TSEN54: variants seen among roughly 807,000 people sequenced by gnomAD.
TSEN54 encodes the protein tRNA splicing endonuclease subunit 54.
A neutral mutation model predicts 61.9 loss-of-function variants in TSEN54; 55 were observed. The observed-to-expected ratio is 0.89, with a 90% CI of 0.72 to 1.11. TSEN54 has a LOEUF of 1.11. Among genes scored for constraint, TSEN54 ranks in the 50% most tolerant of loss-of-function variants. The pLI is 0.00. For missense variants in TSEN54, 760 were observed against 687.7 expected (o/e 1.11, Z -1.18); for synonymous variants, 304 against 288.7 (o/e 1.05, Z -0.54).
intron 4 of TSEN54, 129 bp downstream of exon 4, chr17:75,517,373 G>A (rs2053383537): frequency 1.6e-6 from 2 of 1,260,116 alleles, no homozygotes; most frequent in Admixed American, 3.8e-5. Flanking sequence ...AGCAGGAGGT[G>A]GTACGTTGCA....
At position 75,516,738 on chromosome 17, in the gene TSEN54, TC is replaced by T. The variant is rs1454749382; in HGVS notation, c.57-3del. 6.5e-7 allele frequency: 1 copy of T among 1,546,916 alleles called. No individual in the cohort carries two copies. The highest frequency in any genetic ancestry group is 1.8e-5 in the Admixed American group (1 of 55,790). ...GCGGCGCTGACCCCGCGTCCCCTTC[TC>T]CCCCAGCGCCCGGGAGCTCTTCGCC... On this transcript the variant is annotated splice_region_variant and splice_polypyrimidine_tract_variant and intron_variant, in intron 1 of 10. Coordinates refer to ENST00000333213, the MANE Select transcript of TSEN54 (RefSeq NM_207346.3).
Position 75,524,613 on chromosome 17 carries a change from G to A in TSEN54, c.*201G>A, listed in dbSNP as rs1251431667. ...CCTGCTGCCTTGCAGTGACCCCTCTGGAACTCAGGACTCGATTTTAAGGAC... is the reference window on the plus strand; with the variant it reads ...CCTGCTGCCTTGCAGTGACCCCTCTAGAACTCAGGACTCGATTTTAAGGAC... On this transcript the variant is annotated 3_prime_UTR_variant, in exon 11 of 11. Coordinates refer to ENST00000333213, the MANE Select transcript of TSEN54 (RefSeq NM_207346.3). 1 of 716,224 alleles carries A rather than the reference G, an allele frequency of 1.4e-6. No homozygotes were observed. Among genetic ancestry groups the A allele is most frequent in the Non-Finnish European group, 2.5e-6 (1 of 405,038 alleles). The allele number at this position is 716,224 out of a possible 1,614,324, so 44.4% of individuals were successfully genotyped here. A position where few individuals can be genotyped will look rare whatever the true frequency, so the allele number is the denominator to read the frequency against.
Position 75,516,924 on chromosome 17 carries a change from G to A in TSEN54, c.221+14G>A. The A allele has an allele frequency of 6.5e-7, 1 of 1,544,080 alleles. No homozygotes were observed. Among genetic ancestry groups the A allele is most frequent in the Admixed American group, 1.9e-5 (1 of 51,602 alleles). On this transcript the variant is annotated intron_variant, in intron 2 of 10. Coordinates refer to ENST00000333213, the MANE Select transcript of TSEN54 (RefSeq NM_207346.3). ...CGTGGAGCGCCTGTGAGAGGGGCGG[G>A]CCCAGGGGTAAGGGAAGCGGGGGCG...
chr17:75,516,540 G>T lies in TSEN54; in HGVS notation c.-21G>T. The T allele has an allele frequency of 9.0e-7, 1 of 1,112,602 alleles. No individual in the cohort carries two copies. The highest frequency in any genetic ancestry group is 3.9e-4 in the Middle Eastern group (1 of 2,576). 68.9% of individuals were successfully genotyped at this position (1,112,602 alleles called of 1,614,324 possible). A position where few individuals can be genotyped will look rare whatever the true frequency, so the allele number is the denominator to read the frequency against. ...CGGTGGGCGGGGCGTGGCGGCGCGCGCAGCGGCAGGCGGCGGCGGGATGGA... is the reference window on the plus strand; with the variant it reads ...CGGTGGGCGGGGCGTGGCGGCGCGCTCAGCGGCAGGCGGCGGCGGGATGGA... On this transcript the variant is annotated 5_prime_UTR_variant, in exon 1 of 11. Transcript: ENST00000333213.
At chr17:75,521,117 G>T (rs1221340193) in intron 6 of TSEN54, among the ~76,000 whole-genome samples, 1 of 152,188 alleles carries the variant, frequency 6.6e-6, no homozygotes, top group Non-Finnish European at 1.5e-5. Flanking sequence ...AGAGAGATTA[G>T]TGTGTACATA....
In TSEN54 at chr17:75,517,000, C is replaced by G; in HGVS notation, c.222-9C>G. The stretch of plus-strand genomic sequence containing the variant: ...GGACTGACGCAGACCCCTCCCCACT[C>G]CTCGCCAGGGGCAGCTTGGTGGCTG... On this transcript the variant is annotated splice_polypyrimidine_tract_variant and intron_variant, in intron 2 of 10. Transcript: ENST00000333213. 3.2e-6 allele frequency: 5 copies of G among 1,577,004 alleles called. No individual in the cohort carries two copies. The highest frequency in any genetic ancestry group is 1.3e-5 in the African/African-American group (1 of 74,238).
Position 75,516,738 on chromosome 17 carries a change from T to C in TSEN54, c.57-8T>C. The C allele has an allele frequency of 1.3e-6, 2 of 1,546,926 alleles. No homozygotes were observed. Among genetic ancestry groups the C allele is most frequent in the Non-Finnish European group, 1.7e-6 (2 of 1,154,870 alleles). ...GCGGCGCTGACCCCGCGTCCCCTTC[T>C]CCCCCAGCGCCCGGGAGCTCTTCGC... On this transcript the variant is annotated splice_region_variant and splice_polypyrimidine_tract_variant and intron_variant, in intron 1 of 10. Transcript: ENST00000333213.
chr17:75,520,000 G>A (rs1003268621), intron 6 of TSEN54, among the ~76,000 whole-genome samples: 6 of 152,176 alleles, frequency 3.9e-5, no homozygotes, highest in African/African-American at 7.2e-5. Flanking sequence ...TGTACACATC[G>A]CTGAGAACAG....
chr17:75,517,455 G>C, intron 4 of TSEN54, 102 bp from the exon 5 acceptor site: 1 of 1,232,148 alleles, frequency 8.1e-7, no homozygotes, highest in South Asian at 1.2e-5. Flanking sequence ...TTGATGCGCT[G>C]CTGAGAGGGG....
At position 75,524,312 on chromosome 17, in the gene TSEN54, A is replaced by G. The variant is rs1274961522; in HGVS notation, c.1481A>G (p.Gln494Arg). 3.7e-6 allele frequency: 6 copies of G among 1,614,074 alleles called. No homozygotes were observed. Among genetic ancestry groups the G allele is most frequent in the Non-Finnish European group, 5.1e-6 (6 of 1,180,048 alleles). ...DLCSLKRLSY[Q>R]SGDVPLIFAL... ...TGCAGCCTCAAGCGGTTGTCTTACC[A>G]GAGTGGGGATGTCCCTCTGATCTTT... The change falls in exon 11 of 11, where the codon CAG (glutamine) becomes CGG (arginine). Residue 494 changes from glutamine to arginine, a missense_variant. Gln to Arg is a conservative substitution (Grantham distance 43). This residue lies in a region of TSEN54 where 83 missense variants were observed against 82.9 expected (regional missense o/e 1.00). Coordinates refer to ENST00000333213, the MANE Select transcript of TSEN54 (RefSeq NM_207346.3).
Position 75,521,408 on chromosome 17 carries a change from GCT to G in TSEN54, c.524_525del (p.Ser175CysfsTer6), listed in dbSNP as rs1379866260. On this transcript the variant is annotated frameshift_variant and splice_region_variant, in exon 7 of 11. Coordinates refer to ENST00000333213, the MANE Select transcript of TSEN54 (RefSeq NM_207346.3). LOFTEE classifies it high-confidence loss of function. Reference sequence around the variant, plus strand: ...GCCCACCCGCTGTTCTCACCCCACAGCTCTGTCCTGTCCCCGTATGAGAGGCA... The same window carrying G: ...GCCCACCCGCTGTTCTCACCCCACAGCTGTCCTGTCCCCGTATGAGAGGCA... The G allele has an allele frequency of 1.2e-6, 2 of 1,613,804 alleles. No individual in the cohort carries two copies. The highest frequency in any genetic ancestry group is 2.7e-5 in the African/African-American group (2 of 74,926).
In TSEN54 at chr17:75,522,247, A is replaced by G; in HGVS notation, c.1166A>G (p.Gln389Arg). The G allele has an allele frequency of 6.5e-7, 1 of 1,547,340 alleles. No individual in the cohort carries two copies. The highest frequency in any genetic ancestry group is 8.7e-7 in the Non-Finnish European group (1 of 1,145,614). ...REYKELLQRRQVQRSQRRAPH... is the reference protein window; with the variant it reads ...REYKELLQRRRVQRSQRRAPH... The stretch of plus-strand genomic sequence containing the variant: ...TACAAGGAGCTGCTGCAGCGGCGGC[A>G]GGTGCAGAGGAGCCAGCGCCGGGCC... The change falls in exon 8 of 11, where the codon CAG becomes CGG. Residue 389 changes from glutamine (Q) to arginine (R), a missense_variant. Around this residue, in one of 3 missense-constraint regions of TSEN54, gnomAD observed 667 missense variants for 577.8 expected, o/e 1.15. Coordinates refer to ENST00000333213, the MANE Select transcript of TSEN54 (RefSeq NM_207346.3).
In TSEN54 at chr17:75,519,473, T is replaced by C. The variant is rs190627085; in HGVS notation, c.521+426T>C. On this transcript the variant is annotated intron_variant, in intron 6 of 10. Transcript: ENST00000333213. ...CCTTCATCACCTTAGTAATCCAGCATTGGTAAAAGGCAGAGACCTTCAGAC... is the reference window on the plus strand; with the variant it reads ...CCTTCATCACCTTAGTAATCCAGCACTGGTAAAAGGCAGAGACCTTCAGAC... 4.6e-5 allele frequency among the ~76,000 whole-genome samples: 7 copies of C among 152,362 alleles called. No homozygotes were observed. The East Asian group carries it at 1.3e-3, about 29-fold the overall frequency.
chr17:75,519,004 C>T lies in TSEN54; in HGVS notation c.478C>T (p.His160Tyr), dbSNP rs573848579. The T allele has an allele frequency of 2.5e-6, 4 of 1,613,954 alleles. No homozygotes were observed. Among genetic ancestry groups the T allele is most frequent in the African/African-American group, 2.7e-5 (2 of 74,958 alleles). ...VTFLQYQVFS[H>Y]LKRLGYVVRR... ...TTTTTTTTCTTTTGAGGTCTTCAGC[C>T]ACCTGAAGAGGTTGGGTTATGTGGT... Residue 160 changes from histidine (H) to tyrosine (Y), a missense_variant, in exon 6 of 11, where the codon CAC becomes TAC. Physicochemically the swap from His to Tyr is moderately conservative, Grantham distance 83 (BLOSUM62 2). Transcript: ENST00000333213.
At chr17:75,518,937 C>A (rs2053400524) in intron 5 of TSEN54, 58 bp from the exon 6 acceptor site, 1 of 1,609,010 alleles carries the variant, frequency 6.2e-7, no homozygotes, top group Non-Finnish European at 8.5e-7. Context: ...TCTGGAGAAA[C>A]CATTTGGTGT....
In TSEN54 at chr17:75,520,685, G is replaced by A. The variant is rs1464366486; in HGVS notation, c.522-724G>A. On this transcript the variant is annotated intron_variant, in intron 6 of 10. Transcript: ENST00000333213. ...ATTCACAGCCAGGAGGCCAGGCACAGTGGCTCACACCTGTAATCCCAGCAC... is the reference window on the plus strand; with the variant it reads ...ATTCACAGCCAGGAGGCCAGGCACAATGGCTCACACCTGTAATCCCAGCAC... Among the ~76,000 whole-genome samples, 5 of 152,186 alleles carry A rather than the reference G, an allele frequency of 3.3e-5. No individual in the cohort carries two copies. The East Asian group carries it at 9.6e-4, about 29-fold the overall frequency.
At chr17:75,520,565 G>A (rs903628666) in intron 6 of TSEN54, among the ~76,000 whole-genome samples, 2 of 124,594 alleles carry the variant, frequency 1.6e-5, no homozygotes, top group Non-Finnish European at 3.4e-5. Context: ...CAGCCTGGGC[G>A]AAAAAGCGAA....
chr17:75,519,089 G>A (rs745976471), intron 6 of TSEN54, 42 bp downstream of exon 6: 1 of 1,609,788 alleles, frequency 6.2e-7, no homozygotes, highest in Non-Finnish European at 8.5e-7. Flanking sequence ...TTCTAGTCCT[G>A]GGACCTGGCT....
chr17:75,523,289 C>T lies in TSEN54; in HGVS notation c.1267C>T (p.His423Tyr). The T allele has an allele frequency of 6.2e-7, 1 of 1,614,160 alleles. No homozygotes were observed. The highest frequency in any genetic ancestry group is 1.7e-5 in the Admixed American group (1 of 60,022). Residue 423 changes from histidine to tyrosine, a missense_variant, in exon 9 of 11, where the codon CAT becomes TAT. Around this residue, in one of 3 missense-constraint regions of TSEN54, gnomAD observed 667 missense variants for 577.8 expected, o/e 1.15. Coordinates refer to ENST00000333213, the MANE Select transcript of TSEN54 (RefSeq NM_207346.3). Reference sequence around the variant, plus strand: ...TGTCCTTGTAGCCGTGGTCCTTCAGCATATCTCTGTGCTGCAGACAACACA... The same window carrying T: ...TGTCCTTGTAGCCGTGGTCCTTCAGTATATCTCTGTGCTGCAGACAACACA... ...QASSPAVVLQ[H>Y]ISVLQTTHLP...
Sources: gnomAD v4.1 joint callset for allele counts (sites outside exome capture counted in the v4.1 genomes callset) on GRCh38, gnomAD v4.1.1 for gene constraint, gnomAD v4.1.1 regional missense constraint, MANE v1.5 for transcripts, NCBI Gene and HGNC (gene_info 2026-07-23, HGNC 2026-07-21) for gene names.